NUP42: variants seen among roughly 807,000 people sequenced by gnomAD.
NUP42 encodes the protein nucleoporin NUP42.
In NUP42, 47 loss-of-function variants were observed where a neutral mutation model predicts 35.9. The ratio of observed to expected loss-of-function variants is 1.31; its 90% CI spans 1.04 to 1.67. The LOEUF (loss-of-function observed/expected upper bound fraction) is 1.67, where lower values mean the gene tolerates loss of function less well. Ranked by LOEUF, NUP42 falls within the 40% of genes most tolerant of loss-of-function variation. NUP42 has a pLI of 0.00. For synonymous variants in NUP42, 173 were observed against 173.3 expected (o/e 1.00, Z 0.01); for missense variants, 514 against 492.2 (o/e 1.04, Z -0.42).
At chr7:23,194,104 TCTCC>T (rs1326535425) in intron 3 of NUP42, among the ~76,000 whole-genome samples, 1 of 152,048 alleles carries the variant, frequency 6.6e-6, no homozygotes, top group Non-Finnish European at 1.5e-5. Context: ...CACTCGCGCC[TCTCC>T]CTCCACACCT....
At position 23,200,821 on chromosome 7, in the gene NUP42, A is replaced by T; in HGVS notation, c.*76A>T. The T allele has an allele frequency of 1.3e-6, 1 of 779,902 alleles. No homozygotes were observed. Among genetic ancestry groups the T allele is most frequent in the Non-Finnish European group, 1.9e-6 (1 of 513,716 alleles). 48.3% of individuals were successfully genotyped at this position (779,902 alleles called of 1,614,324 possible). A position where few individuals can be genotyped will look rare whatever the true frequency, so the allele number is the denominator to read the frequency against. On this transcript the variant is annotated 3_prime_UTR_variant, in exon 7 of 7. Transcript: ENST00000258742. ...GATTCATACAGAGATGTATATATGC[A>T]TACATGTATATATTCATAAGGAATA...
chr7:23,200,712 A>T lies in NUP42; in HGVS notation c.1239A>T (p.Leu413Phe), dbSNP rs1583783405. 1 of 1,605,498 alleles carries T rather than the reference A, an allele frequency of 6.2e-7. No individual in the cohort carries two copies. The highest frequency in any genetic ancestry group is 8.5e-7 in the Non-Finnish European group (1 of 1,176,818). ...SKKFTLGKIP[L>F]KPPPLELLNV ...AATTTACTCTGGGAAAAATTCCATTAAAGCCTCCACCTCTGGAACTTCTAA... is the reference window on the plus strand; with the variant it reads ...AATTTACTCTGGGAAAAATTCCATTTAAGCCTCCACCTCTGGAACTTCTAA... The change falls in exon 7 of 7, where the codon TTA becomes TTT. Residue 413 changes from leucine (L) to phenylalanine (F), a missense_variant. By Grantham distance (22) the Leu-to-Phe change is conservative. Coordinates refer to ENST00000258742, the MANE Select transcript of NUP42 (RefSeq NM_007342.3).
intron 3 of NUP42, 73 bp downstream of exon 3, chr7:23,187,219 T>A: frequency 9.6e-7 from 1 of 1,046,282 alleles, no homozygotes; most frequent in Non-Finnish European, 1.4e-6. Flanking sequence ...GAATGCCAAA[T>A]AAAGAAATCA....
At chr7:23,187,980 T>C in intron 3 of NUP42, 1 of 811,436 alleles carries the variant, frequency 1.2e-6, no homozygotes, top group Non-Finnish European at 1.9e-6. Flanking sequence ...TGCTTTAGAA[T>C]ATTCTCTCTC....
At chr7:23,184,979 C>G in intron 1 of NUP42, 91 bp from the exon 2 acceptor site, 1 of 1,092,120 alleles carries the variant, frequency 9.2e-7, no homozygotes, top group Non-Finnish European at 1.3e-6. Context: ...GTACTCCACC[C>G]TGGGCAAAAG....
intron 3 of NUP42, chr7:23,188,534 T>C (rs1785682258): frequency 1.0e-6 from 1 of 985,278 alleles, no homozygotes. Flanking sequence ...TCTTAAAATG[T>C]GGATTCCTGA....
At chr7:23,188,421 A>T (rs1056205043) in intron 3 of NUP42, 1 of 985,244 alleles carries the variant, frequency 1.0e-6, no homozygotes, top group Admixed American at 6.1e-5. Context: ...ATTTTCTATA[A>T]AGAAACCACA....
chr7:23,194,001 G>A (rs1562608610), intron 3 of NUP42, among the ~76,000 whole-genome samples: 1 of 152,248 alleles, frequency 6.6e-6, no homozygotes, highest in East Asian at 1.9e-4. Flanking sequence ...TGCCCGGCAG[G>A]GCCAGCCGGC....
At chr7:23,191,298 G>T (rs1265481912) in intron 3 of NUP42, among the ~76,000 whole-genome samples, 1 of 152,202 alleles carries the variant, frequency 6.6e-6, no homozygotes, top group Admixed American at 6.5e-5. Context: ...AGCATGCTGT[G>T]TGAGGGGGGA....
intron 2 of NUP42, among the ~76,000 whole-genome samples, chr7:23,186,381 T>C (rs1562604145): frequency 6.6e-6 from 1 of 152,348 alleles, no homozygotes; most frequent in East Asian, 1.9e-4. Context: ...CAATTCTAAA[T>C]TTAATACAGT....
At chr7:23,187,756 G>A (rs940129587) in intron 3 of NUP42, among the ~76,000 whole-genome samples, 9 of 151,604 alleles carry the variant, frequency 5.9e-5, no homozygotes, top group East Asian at 5.8e-4. Context: ...ACAGTTGCCC[G>A]CTACCACACC....
chr7:23,195,787 A>G (rs1405826827), intron 3 of NUP42, 52 bp from the exon 4 acceptor site: 1 of 1,186,312 alleles, frequency 8.4e-7, no homozygotes, highest in African/African-American at 1.5e-5. Flanking sequence ...TAGCTTTACT[A>G]TCAAAATTAT....
chr7:23,195,301 A>AT (rs2128474555), intron 3 of NUP42: 1 of 152,436 alleles, frequency 6.6e-6, no homozygotes, highest in Admixed American at 6.5e-5. Flanking sequence ...TAAGTAAAGC[A>AT]TTTTATCTCT....
chr7:23,193,954 C>A (rs1358391589), intron 3 of NUP42, among the ~76,000 whole-genome samples: 1 of 152,260 alleles, frequency 6.6e-6, no homozygotes, highest in African/African-American at 2.4e-5. Context: ...CCCAGCACAC[C>A]CTCCGCAGCC....
intron 3 of NUP42, among the ~76,000 whole-genome samples, chr7:23,189,728 C>T (rs1440735954): frequency 2.0e-5 from 3 of 151,850 alleles, no homozygotes; most frequent in East Asian, 1.9e-4. Context: ...CTGGCTAACA[C>T]GATGAAACCC....
intron 3 of NUP42, among the ~76,000 whole-genome samples, chr7:23,189,785 C>T (rs536073036): frequency 1.5e-4 from 23 of 151,554 alleles, no homozygotes; most frequent in African/African-American, 4.8e-4. Context: ...TGGTGGTATG[C>T]GCCCGTAGTC....
In NUP42 at chr7:23,200,297, C is replaced by A. The variant is rs780851691; in HGVS notation, c.824C>A (p.Ala275Asp). 3 of 1,603,008 alleles carry A rather than the reference C, an allele frequency of 1.9e-6. No homozygotes were observed. Among genetic ancestry groups the A allele is most frequent in the Non-Finnish European group, 8.5e-7 (1 of 1,173,092 alleles). Residue 275 changes from alanine (A) to aspartate (D), a missense_variant, in exon 7 of 7, where the codon GCC becomes GAC. Physicochemically the swap from Ala to Asp is moderately radical, Grantham distance 126. Coordinates refer to ENST00000258742, the MANE Select transcript of NUP42 (RefSeq NM_007342.3). ...AGTTCCCCAGCATTTGGAGCTGCAG[C>A]CTCTACCAGTTCAGGTATCTCTACT... ...FGSSPAFGAA[A>D]STSSGISTSA...
chr7:23,182,518 A>G, intron 1 of NUP42: 3 of 1,101,384 alleles, frequency 2.7e-6, no homozygotes, highest in Non-Finnish European at 3.3e-6. Context: ...TATAATTTTT[A>G]CTAAGTTGTT....
intron 4 of NUP42, 94 bp downstream of exon 4, chr7:23,196,009 G>T (rs1418534938): frequency 3.3e-6 from 2 of 604,160 alleles, no homozygotes; most frequent in South Asian, 2.6e-5. Context: ...AAACCGATGA[G>T]GTCTATGATC....
Sources: allele counts gnomAD v4.1 joint callset (sites outside exome capture counted in the v4.1 genomes callset), GRCh38; gene constraint gnomAD v4.1.1; transcripts MANE v1.5; gene names NCBI Gene and HGNC (gene_info 2026-07-23, HGNC 2026-07-21).